The following HS6ST3 variants were observed in gnomAD, a reference collection of about 807,000 sequenced individuals.
HS6ST3 encodes the protein heparan-sulfate 6-O-sulfotransferase 3.
Under a neutral mutation model 36.7 loss-of-function variants are expected in HS6ST3, and 12 were observed. That is an observed-to-expected ratio of 0.33 (90% confidence interval 0.21 to 0.53). The LOEUF (loss-of-function observed/expected upper bound fraction) is 0.53. Ranked by LOEUF, HS6ST3 falls within the 20% of genes least tolerant of loss-of-function variation. The probability of loss-of-function intolerance (pLI) is 0.95; values close to 1 mark genes in which losing one functional copy is unlikely to be tolerated. For missense variants in HS6ST3, 584 were observed against 640.9 expected, an observed-to-expected ratio of 0.91 and a Z score of 0.96; for synonymous variants, 240 against 257.5, an observed-to-expected ratio of 0.93 and a Z score of 0.65.
chr13:96,163,497 G>C (rs866910634), intron 1 of HS6ST3, among the ~76,000 whole-genome samples: 1 of 152,016 alleles, frequency 6.6e-6, no homozygotes, highest in African/African-American at 2.4e-5. Context: ...CCAAAGTGCT[G>C]GGATTACAGG....
intron 1 of HS6ST3, among the ~76,000 whole-genome samples, chr13:96,478,400 C>CA (rs1211746746): frequency 6.6e-6 from 1 of 152,094 alleles, no homozygotes; most frequent in Non-Finnish European, 1.5e-5. Context: ...GAAGAAATGT[C>CA]AGAGTAGGTT....
intron 1 of HS6ST3, among the ~76,000 whole-genome samples, chr13:96,696,006 T>C (rs1044362931): frequency 6.6e-6 from 1 of 152,132 alleles, no homozygotes; most frequent in Non-Finnish European, 1.5e-5. Context: ...GAACACTACA[T>C]AGGGAGAAGA....
chr13:96,703,220 C>T (rs1875333253), intron 1 of HS6ST3, among the ~76,000 whole-genome samples: 1 of 152,164 alleles, frequency 6.6e-6, no homozygotes, highest in Non-Finnish European at 1.5e-5. Context: ...AGGTAGCTTC[C>T]ACTGAAGACT....
intron 1 of HS6ST3, among the ~76,000 whole-genome samples, chr13:96,108,503 G>A (rs753906471): frequency 1.2e-4 from 19 of 152,078 alleles, no homozygotes; most frequent in Non-Finnish European, 2.2e-4. Context: ...CACTTTATTC[G>A]TACACTCCCT....
chr13:96,266,926 G>T (rs143970598), intron 1 of HS6ST3, among the ~76,000 whole-genome samples: 1 of 152,166 alleles, frequency 6.6e-6, no homozygotes, highest in East Asian at 1.9e-4. Context: ...TGAAAGATTG[G>T]TGATATGGTT....
intron 1 of HS6ST3, among the ~76,000 whole-genome samples, chr13:96,625,206 T>C (rs955884739): frequency 6.6e-6 from 1 of 152,158 alleles, no homozygotes; most frequent in Non-Finnish European, 1.5e-5. Context: ...GCCATGGCAT[T>C]TGTCAACTCT....
chr13:96,550,523 C>A (rs2056215703), intron 1 of HS6ST3, among the ~76,000 whole-genome samples: 1 of 152,166 alleles, frequency 6.6e-6, no homozygotes, highest in African/African-American at 2.4e-5. Context: ...TGCTCCCAAC[C>A]TTGTGAACCT....
chr13:96,223,933 AAATATTCCCTTCCCTCCCCTCCCGTCTC>A (rs1435409209), intron 1 of HS6ST3, among the ~76,000 whole-genome samples: 6 of 151,850 alleles, frequency 4.0e-5, no homozygotes, highest in African/African-American at 1.5e-4. Context: ...ATCTAAAGCA[AAATATTCCCTTCCCTCCCCTCCCGTCTC>A]AATCTTCCCT....
At chr13:96,285,490 A>G (rs557198259) in intron 1 of HS6ST3, among the ~76,000 whole-genome samples, 2 of 152,300 alleles carry the variant, frequency 1.3e-5, no homozygotes, top group East Asian at 3.9e-4. Flanking sequence ...AAAGCTGTAC[A>G]GAATAGGGAA....
chr13:96,406,610 T>C (rs2055479858), intron 1 of HS6ST3, among the ~76,000 whole-genome samples: 1 of 152,192 alleles, frequency 6.6e-6, no homozygotes, highest in Non-Finnish European at 1.5e-5. Flanking sequence ...TATTCTCAAT[T>C]TTTCTTGGAA....
At chr13:96,735,097 CA>C (rs1030342545) in intron 1 of HS6ST3, among the ~76,000 whole-genome samples, 6 of 152,132 alleles carry the variant, frequency 3.9e-5, no homozygotes, top group African/African-American at 1.2e-4. Flanking sequence ...GTAAAGTCAT[CA>C]GGCTTTCAGC....
chr13:96,461,172 A>G (rs780663307), intron 1 of HS6ST3, among the ~76,000 whole-genome samples: 3 of 152,190 alleles, frequency 2.0e-5, no homozygotes, highest in African/African-American at 7.2e-5. Flanking sequence ...CAAATTAACT[A>G]TAGAGCTGGA....
At chr13:96,799,416 T>C (rs199949588) in intron 1 of HS6ST3, among the ~76,000 whole-genome samples, 3 of 151,898 alleles carry the variant, frequency 2.0e-5, no homozygotes, top group East Asian at 1.9e-4. Flanking sequence ...ATTAAGAAAA[T>C]GTGGCACACA....
intron 1 of HS6ST3, among the ~76,000 whole-genome samples, chr13:96,696,204 G>T (rs1187551367): frequency 6.6e-6 from 1 of 152,182 alleles, no homozygotes; most frequent in East Asian, 1.9e-4. Context: ...GAACTTTCTG[G>T]CATGGGCTGC....
Position 96,616,344 on chromosome 13 carries a change from T to C in HS6ST3, c.708-216146T>C, listed in dbSNP as rs560194312. On this transcript the variant is annotated intron_variant, in intron 1 of 1. Coordinates refer to ENST00000376705, the MANE Select transcript of HS6ST3 (RefSeq NM_153456.4). ...GGGAAATGCAAAACTTTCTTTTACA[T>C]TCTCTTGGATTAAAGATTACATTTT... is the stretch of plus-strand genomic sequence containing the variant. Among the ~76,000 whole-genome samples the C allele has an allele frequency of 1.1e-4, 17 of 152,306 alleles. 1 individual carries two copies. The highest frequency in any genetic ancestry group is 2.1e-4 in the Non-Finnish European group (14 of 68,024).
At chr13:96,385,316 C>A (rs1352385123) in intron 1 of HS6ST3, among the ~76,000 whole-genome samples, 1 of 152,132 alleles carries the variant, frequency 6.6e-6, no homozygotes, top group East Asian at 1.9e-4. Flanking sequence ...AGTAAAGCCT[C>A]CCTCTGCAGC....
chr13:96,285,183 C>T (rs1393709104), intron 1 of HS6ST3, among the ~76,000 whole-genome samples: 1 of 151,898 alleles, frequency 6.6e-6, no homozygotes, highest in Non-Finnish European at 1.5e-5. Context: ...CTTCAAGCAC[C>T]TCTTCAGTGT....
intron 1 of HS6ST3, among the ~76,000 whole-genome samples, chr13:96,159,950 A>G (rs948805399): frequency 1.3e-5 from 2 of 152,170 alleles, no homozygotes; most frequent in African/African-American, 4.8e-5. Context: ...CTTTGGATGT[A>G]TGACTTCATC....
intron 1 of HS6ST3, among the ~76,000 whole-genome samples, chr13:96,754,150 A>C (rs1247973793): frequency 6.6e-6 from 1 of 152,196 alleles, no homozygotes; most frequent in Non-Finnish European, 1.5e-5. Context: ...TTTTTGGAGC[A>C]TTCCTTTACT....
Sources: gnomAD v4.1 joint callset for allele counts (sites outside exome capture counted in the v4.1 genomes callset) on GRCh38, gnomAD v4.1.1 for gene constraint, MANE v1.5 for transcripts, NCBI Gene and HGNC (gene_info 2026-07-23, HGNC 2026-07-21) for gene names.